The following LPIN2 variants were observed in gnomAD, a reference collection of about 807,000 sequenced individuals.
The protein encoded by LPIN2 is lipin 2.
LPIN2 carries 55 observed loss-of-function variants against 111.4 expected under a neutral mutation model. The ratio of observed to expected loss-of-function variants is 0.49; its 90% CI spans 0.40 to 0.62. LPIN2 has a LOEUF of 0.62. LPIN2 is among the 20% of genes least tolerant of loss of function. The pLI is 0.00. For synonymous variants in LPIN2, 425 were observed against 414.0 expected (o/e 1.03, Z -0.32); for missense variants, 992 against 1,112.1 (o/e 0.89, Z 1.54).
chr18:2,998,393 A>C (rs2143458756), intron 1 of LPIN2, among the ~76,000 whole-genome samples: 1 of 152,376 alleles, frequency 6.6e-6, no homozygotes, highest in East Asian at 1.9e-4. Context: ...TGAAAGTCAG[A>C]AAACAAGGCC....
intron 11 of LPIN2, among the ~76,000 whole-genome samples, chr18:2,928,304 T>C (rs1320075715): frequency 6.6e-6 from 1 of 152,238 alleles, no homozygotes; most frequent in Non-Finnish European, 1.5e-5. Context: ...ATTCATTCCA[T>C]ATTTAACTTA....
chr18:2,977,448 A>G (rs1032396275), intron 1 of LPIN2, among the ~76,000 whole-genome samples: 3 of 152,246 alleles, frequency 2.0e-5, no homozygotes, highest in African/African-American at 7.2e-5. Flanking sequence ...AACAATGTGC[A>G]TATCTATGGC....
chr18:2,933,965 C>G (rs555445379), intron 8 of LPIN2, among the ~76,000 whole-genome samples: 3 of 152,176 alleles, frequency 2.0e-5, no homozygotes, highest in Non-Finnish European at 4.4e-5. Flanking sequence ...GAAGTGAACA[C>G]ATTCTTTGGA....
chr18:2,921,495 T>C (rs1167129015), intron 18 of LPIN2, 38 bp downstream of exon 18: 1 of 1,475,518 alleles, frequency 6.8e-7, no homozygotes, highest in Admixed American at 1.7e-5. Flanking sequence ...CCTCTGAATT[T>C]CACCCACATC....
chr18:2,996,710 G>A lies in LPIN2; in HGVS notation c.-10+16377C>T, dbSNP rs367606854. 2.0e-3 allele frequency among the ~76,000 whole-genome samples: 307 copies of A among 151,868 alleles called. 2 individuals carry two copies. Among genetic ancestry groups the A allele is most frequent in the Non-Finnish European group, 2.8e-3 (192 of 67,940 alleles). On this transcript the variant is annotated intron_variant, in intron 1 of 19. Coordinates refer to ENST00000677752, the MANE Select transcript of LPIN2 (RefSeq NM_001375808.2). The stretch of plus-strand genomic sequence containing the variant: ...GCCAGGATGGTCTCGATCTCCTGAC[G>A]TCATGATCCACCCACCTCGGCCTTC...
chr18:2,983,796 TTTTTTTTTCCCAC>T (rs1004363463), intron 1 of LPIN2, among the ~76,000 whole-genome samples: 7 of 150,952 alleles, frequency 4.6e-5, no homozygotes, highest in Non-Finnish European at 7.4e-5. Context: ...TTTACCTAGT[TTTTTTTTTCCCAC>T]TTTTTAAAAT....
intron 7 of LPIN2, among the ~76,000 whole-genome samples, chr18:2,936,217 T>G (rs1568533673): frequency 6.6e-6 from 1 of 152,250 alleles, no homozygotes; most frequent in African/African-American, 2.4e-5. Context: ...TGCTAGAATT[T>G]TTTTTTAATT....
chr18:2,931,562 A>G (rs543854247), intron 8 of LPIN2, 119 bp from the exon 9 acceptor site: 1 of 922,324 alleles, frequency 1.1e-6, no homozygotes, highest in African/African-American at 1.6e-5. Flanking sequence ...GAACGGATGG[A>G]CCTACAATCA....
chr18:2,992,051 T>C (rs1598605539), intron 1 of LPIN2, among the ~76,000 whole-genome samples: 1 of 151,516 alleles, frequency 6.6e-6, no homozygotes, highest in African/African-American at 2.4e-5. Flanking sequence ...AAATATAGAA[T>C]TGCCATATAA....
chr18:2,959,063 CAAAG>C lies in LPIN2; in HGVS notation c.192+1582_192+1585del, dbSNP rs554974223. Among the ~76,000 whole-genome samples, 319 of 152,296 alleles carry C rather than the reference CAAAG, an allele frequency of 2.1e-3. 5 individuals carry two copies. The highest frequency in any genetic ancestry group is 7.1e-3 in the African/African-American group (297 of 41,568). On this transcript the variant is annotated intron_variant, in intron 2 of 19. Coordinates refer to ENST00000677752, the MANE Select transcript of LPIN2 (RefSeq NM_001375808.2). ...TCTGAAAGTACTATTGGTGTTACCA[CAAAG>C]AAAGAAAAAATTTCAGAGAACCTAA...
chr18:2,988,099 G>T (rs566533419), intron 1 of LPIN2, among the ~76,000 whole-genome samples: 2 of 150,206 alleles, frequency 1.3e-5, no homozygotes, highest in South Asian at 2.1e-4. Context: ...CTTATCTGTA[G>T]CCTTAAATGG....
intron 1 of LPIN2, among the ~76,000 whole-genome samples, chr18:2,987,141 A>T (rs2078198771): frequency 1.3e-5 from 2 of 152,232 alleles, no homozygotes; most frequent in Non-Finnish European, 2.9e-5. Context: ...AAACTCAAAA[A>T]ATCCTGTTGA....
intron 4 of LPIN2, among the ~76,000 whole-genome samples, chr18:2,945,345 A>G (rs1469328748): frequency 6.6e-6 from 1 of 152,238 alleles, no homozygotes; most frequent in Admixed American, 6.5e-5. Context: ...GGAGAAACGA[A>G]TAATCAATCT....
chr18:2,920,839 T>C lies in LPIN2; in HGVS notation c.2485A>G (p.Ile829Val). ...TCACCCTTGGGGTTCACGGTGAATA[T>C]TCTACAGTCTGGAACTCCAACTTGT... ...YTQVGVPDCR[I>V]FTVNPKGELI... Residue 829 changes from isoleucine to valine, a missense_variant, in exon 19 of 20, where the codon ATA becomes GTA. By Grantham distance (29) the Ile-to-Val change is conservative. Transcript: ENST00000677752. 1 of 1,614,198 alleles carries C rather than the reference T, an allele frequency of 6.2e-7. No individual in the cohort carries two copies. The highest frequency in any genetic ancestry group is 8.5e-7 in the Non-Finnish European group (1 of 1,180,008).
intron 4 of LPIN2, among the ~76,000 whole-genome samples, chr18:2,949,112 T>A (rs1340229154): frequency 5.3e-5 from 8 of 152,172 alleles, no homozygotes; most frequent in African/African-American, 1.9e-4. Flanking sequence ...CTTTTAATAA[T>A]GTTTTTAATA....
rs145740705 is a variant in LPIN2, at chr18:2,943,429, CGTGTGTGTGTGTGT to C, written c.591-2731_591-2718del. Among the ~76,000 whole-genome samples the C allele has an allele frequency of 1.1e-3, 161 of 142,252 alleles. 3 individuals carry two copies. The highest frequency in any genetic ancestry group is 3.3e-4 in the Non-Finnish European group (21 of 63,398). 93.3% of individuals were successfully genotyped at this position (142,252 alleles called of 152,430 possible). A position where few individuals can be genotyped will look rare whatever the true frequency, so the allele number is the denominator to read the frequency against. ...GTAACCAGACTAAATATAAAAGCTG[CGTGTGTGTGTGTGT>C]GTGTGTGTGTGTGTGTATAAATCAA... On this transcript the variant is annotated intron_variant, in intron 4 of 19. Transcript: ENST00000677752.
At position 2,951,159 on chromosome 18, in the gene LPIN2, G is replaced by C. The variant is rs754441631; in HGVS notation, c.486C>G (p.Tyr162Ter). ...VKKKKRRRKK[Y>*]KQDSKKEEQA... ...GCTCTTCCTTCTTACTGTCCTGTTT[G>C]TATTTCTTTCTCCTTCGTTTTTTCT... is the stretch of plus-strand genomic sequence containing the variant. Residue 162 changes from tyrosine to a stop codon, truncating the protein, a stop_gained, in exon 4 of 20, where the codon TAC becomes TAG. Transcript: ENST00000677752. LOFTEE classifies it high-confidence loss of function. 1 of 1,614,156 alleles carries C rather than the reference G, an allele frequency of 6.2e-7. No individual in the cohort carries two copies. Among genetic ancestry groups the C allele is most frequent in the South Asian group, 1.1e-5 (1 of 91,080 alleles).
rs561814698 is a variant in LPIN2, at chr18:3,004,096, TA to T, written c.-10+8990del. On this transcript the variant is annotated intron_variant, in intron 1 of 19. Coordinates refer to ENST00000677752, the MANE Select transcript of LPIN2 (RefSeq NM_001375808.2). ...CTAGGATTGGGAAATTCCAGCCTGG[TA>T]AATTCTAGTCAGACTGGTTCTCTGC... Among the ~76,000 whole-genome samples, 360 of 152,334 alleles carry T rather than the reference TA, an allele frequency of 2.4e-3. 1 individual carries two copies. The highest frequency in any genetic ancestry group is 4.0e-3 in the Non-Finnish European group (274 of 68,024).
chr18:2,920,877 A>C lies in LPIN2; in HGVS notation c.2447T>G (p.Val816Gly). Residue 816 changes from valine (V) to glycine (G), a missense_variant, in exon 19 of 20, where the codon GTC (valine) becomes GGC (glycine). Val to Gly is a moderately radical substitution (Grantham distance 109). Coordinates refer to ENST00000677752, the MANE Select transcript of LPIN2 (RefSeq NM_001375808.2). The stretch of plus-strand genomic sequence containing the variant: ...AACTCCAACTTGTGTGTAGGCATAG[A>C]CATCCTGCAGAAGAAAATAGCAAGC... ...YAAFGNRPNDVYAYTQVGVPD... is the reference protein window; with the variant it reads ...YAAFGNRPNDGYAYTQVGVPD... 6.2e-7 allele frequency: 1 copy of C among 1,609,282 alleles called. No individual in the cohort carries two copies. The highest frequency in any genetic ancestry group is 8.5e-7 in the Non-Finnish European group (1 of 1,175,576).
Sources: allele counts gnomAD v4.1 joint callset (sites outside exome capture counted in the v4.1 genomes callset), GRCh38; gene constraint gnomAD v4.1.1; transcripts MANE v1.5; gene names NCBI Gene and HGNC (gene_info 2026-07-23, HGNC 2026-07-21).